CACNA2D1: variants seen among roughly 807,000 people sequenced by gnomAD.
CACNA2D1 encodes the protein calcium voltage-gated channel auxiliary subunit alpha2delta 1, also known as voltage-dependent calcium channel subunit alpha-2/delta-1.
A neutral mutation model predicts 171.5 loss-of-function variants in CACNA2D1; 53 were observed. The ratio of observed to expected loss-of-function variants is 0.31; its 90% CI spans 0.25 to 0.39. CACNA2D1 has a LOEUF of 0.39. CACNA2D1 is among the 10% of genes least tolerant of loss of function. The probability of loss-of-function intolerance (pLI) is 1.00; values close to 1 mark genes in which losing one functional copy is unlikely to be tolerated. For synonymous variants in CACNA2D1, 442 were observed against 443.1 expected (o/e 1.00, Z 0.03); for missense variants, 903 against 1,299.8 (o/e 0.69, Z 4.69).
At chr7:82,410,067 C>CA (rs1238324621) in intron 1 of CACNA2D1, among the ~76,000 whole-genome samples, 1 of 152,132 alleles carries the variant, frequency 6.6e-6, no homozygotes, top group Non-Finnish European at 1.5e-5. Context: ...ATATGGGGCC[C>CA]ATCATTGAAT....
At chr7:82,154,241 C>T (rs28704558) in intron 4 of CACNA2D1, among the ~76,000 whole-genome samples, 38,000 of 152,156 alleles carry the variant, frequency 0.25, 4,989 homozygotes, top group African/African-American at 0.34. Context: ...GTATAAAAAG[C>T]AGACAATAGT....
At chr7:82,241,948 A>T (rs1042948289) in intron 3 of CACNA2D1, among the ~76,000 whole-genome samples, 1 of 152,178 alleles carries the variant, frequency 6.6e-6, no homozygotes, top group Non-Finnish European at 1.5e-5. Context: ...ATAAGAGCCG[A>T]CTGATGATGA....
rs1286916278 is a variant in CACNA2D1 at position 81,949,958 on chromosome 7, G to A, written c.*434C>T. On this transcript the variant is annotated 3_prime_UTR_variant, in exon 39 of 39. Coordinates refer to ENST00000356860, the MANE Select transcript of CACNA2D1 (RefSeq NM_000722.4). The stretch of plus-strand genomic sequence containing the variant: ...TTAAAGCAGGAATTAACTTTTCACA[G>A]AAGAAAAAGTGAAGGCAAAAATAAT... 1 of 163,574 alleles carries A rather than the reference G, an allele frequency of 6.1e-6. No individual in the cohort carries two copies. The highest frequency in any genetic ancestry group is 1.3e-5 in the Non-Finnish European group (1 of 74,944). 10.1% of individuals were successfully genotyped at this position (163,574 alleles called of 1,614,324 possible).
At chr7:82,207,499 T>C (rs756941350) in intron 3 of CACNA2D1, among the ~76,000 whole-genome samples, 1 of 152,142 alleles carries the variant, frequency 6.6e-6, no homozygotes, top group Non-Finnish European at 1.5e-5. Flanking sequence ...TGCTGTACTT[T>C]TCATGTTTGA....
At chr7:82,269,215 C>A (rs1808307863) in intron 3 of CACNA2D1, among the ~76,000 whole-genome samples, 1 of 152,182 alleles carries the variant, frequency 6.6e-6, no homozygotes, top group African/African-American at 2.4e-5. Context: ...TAGCTTCCTG[C>A]ATCTGATTTT....
At chr7:82,006,263 A>C (rs1799108051) in intron 16 of CACNA2D1, among the ~76,000 whole-genome samples, 1 of 152,078 alleles carries the variant, frequency 6.6e-6, no homozygotes, top group Non-Finnish European at 1.5e-5. Context: ...ATATAGAATA[A>C]GAACACATTG....
intron 38 of CACNA2D1, among the ~76,000 whole-genome samples, chr7:81,952,132 TTG>T (rs1304222201): frequency 6.6e-6 from 1 of 151,432 alleles, no homozygotes; most frequent in Non-Finnish European, 1.5e-5. Context: ...ATATCATTTT[TTG>T]AGAACTGTCT....
intron 1 of CACNA2D1, 45 bp downstream of exon 1, chr7:82,443,320 G>T: frequency 1.3e-6 from 2 of 1,513,472 alleles, no homozygotes; most frequent in African/African-American, 1.4e-5. Flanking sequence ...CCCAACTCCC[G>T]CGGCGCCCCT....
At chr7:82,425,442 A>T (rs191870454) in intron 1 of CACNA2D1, among the ~76,000 whole-genome samples, 1 of 152,272 alleles carries the variant, frequency 6.6e-6, no homozygotes, top group East Asian at 1.9e-4. Context: ...GTTTTAAACC[A>T]TTCAGTTTGT....
intron 3 of CACNA2D1, among the ~76,000 whole-genome samples, chr7:82,278,040 C>A (rs1009935796): frequency 4.6e-5 from 7 of 152,088 alleles, no homozygotes; most frequent in African/African-American, 1.7e-4. Flanking sequence ...AGTCACCACA[C>A]CCAGCCTATA....
At chr7:82,066,641 A>G in intron 7 of CACNA2D1, 117 bp from the exon 8 acceptor site, 1 of 1,392,678 alleles carries the variant, frequency 7.2e-7, no homozygotes. Context: ...ACGTACTTCA[A>G]TGTTCAAATG....
chr7:82,310,315 A>G (rs1814274479), intron 3 of CACNA2D1, among the ~76,000 whole-genome samples: 1 of 151,916 alleles, frequency 6.6e-6, no homozygotes. Flanking sequence ...AAGAAAAGTT[A>G]TAAAAGGTAT....
At chr7:82,201,066 C>G (rs1343290658) in intron 3 of CACNA2D1, among the ~76,000 whole-genome samples, 3 of 152,136 alleles carry the variant, frequency 2.0e-5, no homozygotes, top group African/African-American at 7.2e-5. Flanking sequence ...CTATTCATTT[C>G]TAGTACCTCT....
chr7:82,397,556 CACAAA>C (rs1825875376), intron 1 of CACNA2D1, among the ~76,000 whole-genome samples: 1 of 152,022 alleles, frequency 6.6e-6, no homozygotes, highest in South Asian at 2.1e-4. Context: ...TGACAGAGTA[CACAAA>C]ACAGTGAAGA....
At chr7:82,296,536 C>A (rs751686792) in intron 3 of CACNA2D1, among the ~76,000 whole-genome samples, 1 of 152,092 alleles carries the variant, frequency 6.6e-6, no homozygotes, top group Non-Finnish European at 1.5e-5. Context: ...TGCTTAATTG[C>A]ACATTTTATT....
intron 7 of CACNA2D1, among the ~76,000 whole-genome samples, chr7:82,068,450 C>T (rs149943440): frequency 9.2e-5 from 14 of 152,226 alleles, no homozygotes; most frequent in Non-Finnish European, 2.1e-4. Context: ...GCCTTGGGCA[C>T]TCTATCTCAA....
In CACNA2D1 at chr7:81,962,009, C is replaced by T. The variant is rs776666512; in HGVS notation, c.2851G>A (p.Asp951Asn). ...RLLEAVEMEDDDFTASLSKQS... is the reference protein window; with the variant it reads ...RLLEAVEMEDNDFTASLSKQS... The stretch of plus-strand genomic sequence containing the variant: ...TTGGACAGGGAGGCCGTGAAGTCAT[C>T]ATCCTCCATCTCAACTTGGGTGGCG... The change falls in exon 36 of 39, where the codon GAT becomes AAT. Residue 951 changes from aspartate to asparagine, a missense_variant. Asp to Asn is a conservative substitution (Grantham distance 23). Around this residue, in one of 5 missense-constraint regions of CACNA2D1, gnomAD observed 623 missense variants for 925.5 expected, o/e 0.67. Transcript: ENST00000356860. 4 of 1,612,352 alleles carry T rather than the reference C, an allele frequency of 2.5e-6. No individual in the cohort carries two copies. The highest frequency in any genetic ancestry group is 3.4e-6 in the Non-Finnish European group (4 of 1,179,082).
intron 7 of CACNA2D1, among the ~76,000 whole-genome samples, chr7:82,074,633 ATCT>A (rs1216435383): frequency 6.6e-6 from 1 of 152,136 alleles, no homozygotes; most frequent in Non-Finnish European, 1.5e-5. Flanking sequence ...CTAGAGAAAA[ATCT>A]TCTCTTACTG....
chr7:81,969,099 T>C (rs1795009088), intron 28 of CACNA2D1, 126 bp from the exon 29 acceptor site: 1 of 646,110 alleles, frequency 1.5e-6, no homozygotes. Flanking sequence ...AACTATAAAA[T>C]GTTTGTGCTC....
Sources: gnomAD v4.1 joint callset for allele counts (sites outside exome capture counted in the v4.1 genomes callset) on GRCh38, gnomAD v4.1.1 for gene constraint, gnomAD v4.1.1 regional missense constraint, MANE v1.5 for transcripts, NCBI Gene and HGNC (gene_info 2026-07-23, HGNC 2026-07-21) for gene names.